Variants in LYST observed in about 807,000 individuals in gnomAD.
The protein encoded by LYST is lysosomal trafficking regulator, also known as lysosomal-trafficking regulator.
LYST carries 192 observed loss-of-function variants against 413.6 expected under a neutral mutation model. The ratio of observed to expected loss-of-function variants is 0.46; its 90% CI spans 0.41 to 0.52. The LOEUF (loss-of-function observed/expected upper bound fraction) is 0.52. Ranked by LOEUF, LYST falls within the 20% of genes least tolerant of loss-of-function variation. The pLI, the probability that LYST is intolerant of heterozygous loss-of-function variation, is 0.00. For synonymous variants in LYST, 1,525 were observed against 1,567.3 expected (o/e 0.97, Z 0.64); for missense variants, 3,815 against 4,499.9 (o/e 0.85, Z 4.35).
chr1:235,853,561 C>T (rs1678806821), intron 1 of LYST, among the ~76,000 whole-genome samples: 1 of 151,776 alleles, frequency 6.6e-6, no homozygotes, highest in African/African-American at 2.4e-5. Flanking sequence ...TCTAAGACAG[C>T]AATGGCCCAG....
chr1:235,746,640 C>A (rs1281232966), intron 28 of LYST, 113 bp from the exon 29 acceptor site: 3 of 750,586 alleles, frequency 4.0e-6, no homozygotes, highest in Non-Finnish European at 7.0e-6. Context: ...TTATTTACTA[C>A]AAAGTCAATT....
chr1:235,685,090 G>T (rs1660106126), intron 48 of LYST, among the ~76,000 whole-genome samples: 1 of 152,094 alleles, frequency 6.6e-6, no homozygotes, highest in Non-Finnish European at 1.5e-5. Context: ...TTGATTCCAG[G>T]CTCTTGTGTA....
At chr1:235,876,503 A>G (rs769407775) in intron 1 of LYST, among the ~76,000 whole-genome samples, 29 of 152,240 alleles carry the variant, frequency 1.9e-4, no homozygotes, top group Non-Finnish European at 1.5e-4. Context: ...CTGATGACAC[A>G]GAAGAATATA....
At chr1:235,764,887 C>T (rs1175715768) in intron 21 of LYST, among the ~76,000 whole-genome samples, 3 of 152,072 alleles carry the variant, frequency 2.0e-5, no homozygotes, top group Non-Finnish European at 4.4e-5. Flanking sequence ...TAGGTACATT[C>T]TTGCTTTCTT....
Position 235,697,201 on chromosome 1 carries a change from C to CACA in LYST, c.10443_10445dup (p.Val3483dup). ...CTCCGTGGGGCTGGCTGAAGCAGAC[C>CACA]ACAGGTACTGGAGCACTGGGGGAAC... On this transcript the variant is annotated inframe_insertion, in exon 46 of 53. Transcript: ENST00000389793. 6.2e-7 allele frequency: 1 copy of CACA among 1,614,148 alleles called. No individual in the cohort carries two copies. Among genetic ancestry groups the CACA allele is most frequent in the Non-Finnish European group, 8.5e-7 (1 of 1,180,016 alleles).
intron 44 of LYST, among the ~76,000 whole-genome samples, chr1:235,703,673 A>G (rs539854433): frequency 1.2e-4 from 19 of 152,224 alleles, no homozygotes; most frequent in Non-Finnish European, 1.6e-4. Context: ...ATGCCAAAAT[A>G]AAATTCCAAA....
intron 5 of LYST, 150 bp from the exon 6 acceptor site, chr1:235,806,922 A>C (rs944260809): frequency 1.5e-6 from 1 of 647,370 alleles, no homozygotes; most frequent in Non-Finnish European, 2.7e-6. Flanking sequence ...TAAAGTTCTT[A>C]GTTAGATATA....
intron 6 of LYST, among the ~76,000 whole-genome samples, chr1:235,805,529 C>T (rs1672722509): frequency 6.6e-6 from 1 of 151,428 alleles, no homozygotes; most frequent in Non-Finnish European, 1.5e-5. Context: ...ATTCATCTGA[C>T]ACTTATAAAA....
At chr1:235,834,458 G>C (rs1051747127) in intron 1 of LYST, among the ~76,000 whole-genome samples, 1 of 152,008 alleles carries the variant, frequency 6.6e-6, no homozygotes, top group Non-Finnish European at 1.5e-5. Flanking sequence ...GGCTAGTCTT[G>C]GACTCCTGAG....
chr1:235,801,416 C>CCG lies in LYST; in HGVS notation c.3713-320_3713-319insCG, dbSNP rs563880928. Among the ~76,000 whole-genome samples, 204 of 142,866 alleles carry CCG rather than the reference C, an allele frequency of 1.4e-3. 1 individual carries two copies. The highest frequency in any genetic ancestry group is 5.8e-3 in the African/African-American group (194 of 33,606). 93.7% of individuals were successfully genotyped at this position (142,866 alleles called of 152,430 possible). On this transcript the variant is annotated intron_variant, in intron 8 of 52. Transcript: ENST00000389793. ...AAAAAAACCTATTCAAACTTTCTGA[C>CCG]CCCCCCCTCAAATACCTAAATCACA...
Position 235,800,965 on chromosome 1 carries a change from C to G in LYST, c.3845G>C (p.Ser1282Thr). The change falls in exon 9 of 53, where the codon AGT (serine) becomes ACT (threonine). Residue 1282 changes from serine to threonine, a missense_variant. Transcript: ENST00000389793. ...CMLELNLLSA[S>T]KAKLDVLAHV... ...GGCAAGCACATCAAGTTTGGCTTTA[C>G]TAGCAGAAAGCAAATTTAATTCCAG... 6.2e-7 allele frequency: 1 copy of G among 1,613,598 alleles called. No homozygotes were observed. Among genetic ancestry groups the G allele is most frequent in the South Asian group, 1.1e-5 (1 of 91,080 alleles).
At chr1:235,721,998 C>A (rs1219341791) in intron 39 of LYST, among the ~76,000 whole-genome samples, 4 of 152,066 alleles carry the variant, frequency 2.6e-5, no homozygotes. Context: ...GGGGTGGCTA[C>A]TTTATAGAGT....
intron 48 of LYST, among the ~76,000 whole-genome samples, chr1:235,682,556 A>G (rs1228857928): frequency 6.6e-6 from 1 of 152,220 alleles, no homozygotes; most frequent in Non-Finnish European, 1.5e-5. Context: ...TGGGGCTGGA[A>G]CACAATGCAC....
At chr1:235,728,220 T>C (rs1331488419) in intron 37 of LYST, 89 bp from the exon 38 acceptor site, 1 of 938,800 alleles carries the variant, frequency 1.1e-6, no homozygotes, top group Non-Finnish European at 1.8e-6. Flanking sequence ...AGTCCTTTGG[T>C]CTGAATTTGA....
At chr1:235,770,054 A>AC (rs1668515529) in intron 20 of LYST, 106 bp downstream of exon 20, 1 of 1,063,556 alleles carries the variant, frequency 9.4e-7, no homozygotes, top group Non-Finnish European at 1.4e-6. Context: ...GATGGAAAAA[A>AC]AAAAGAAAAA....
rs767386693 is a variant in LYST, at chr1:235,780,935, T to G, written c.5144A>C (p.Glu1715Ala). 1.9e-5 allele frequency: 31 copies of G among 1,593,764 alleles called. No homozygotes were observed. Among genetic ancestry groups the G allele is most frequent in the African/African-American group, 5.4e-5 (4 of 74,658 alleles). Residue 1715 changes from glutamate (E) to alanine (A), a missense_variant, in exon 16 of 53, where the codon GAA becomes GCA. Glu to Ala is a moderately radical substitution (Grantham distance 107). This residue lies in a region of LYST where 530 missense variants were observed against 696.5 expected (regional missense o/e 0.76). Transcript: ENST00000389793. The stretch of plus-strand genomic sequence containing the variant: ...TCTGATTTGTTCACATCGCAAAATT[T>G]CTTTATTAATATATTTGGAGTAGTC... ...VNDYSKYINK[E>A]ILRCEQIREL...
chr1:235,863,117 G>C (rs1451064323), intron 1 of LYST, among the ~76,000 whole-genome samples: 1 of 151,944 alleles, frequency 6.6e-6, no homozygotes, highest in Non-Finnish European at 1.5e-5. Context: ...ACTTGGCCCA[G>C]CACGGTGGCT....
Position 235,728,145 on chromosome 1 carries a change from T to A in LYST, c.9107-14A>T. 1 of 1,597,062 alleles carries A rather than the reference T, an allele frequency of 6.3e-7. No homozygotes were observed. The highest frequency in any genetic ancestry group is 1.1e-5 in the South Asian group (1 of 90,734). On this transcript the variant is annotated splice_polypyrimidine_tract_variant and intron_variant, in intron 37 of 52. Coordinates refer to ENST00000389793, the MANE Select transcript of LYST (RefSeq NM_000081.4). ...TTCCACATTTACCTGCAGAAAGTAA[T>A]TGGATATAAGGGTTTTAAAATGTAT... is the stretch of plus-strand genomic sequence containing the variant.
chr1:235,730,750 G>A (rs535988826), intron 36 of LYST, 97 bp downstream of exon 36: 2 of 938,394 alleles, frequency 2.1e-6, no homozygotes, highest in Non-Finnish European at 3.5e-6. Flanking sequence ...GGATTTTTCT[G>A]AAAATGATGG....
Sources: allele counts gnomAD v4.1 joint callset (sites outside exome capture counted in the v4.1 genomes callset), GRCh38; gene constraint gnomAD v4.1.1; regional missense constraint gnomAD v4.1.1; transcripts MANE v1.5; gene names NCBI Gene and HGNC (gene_info 2026-07-23, HGNC 2026-07-21).